KCNIP4: variants seen among roughly 807,000 people sequenced by gnomAD.
KCNIP4 encodes the protein potassium voltage-gated channel interacting protein 4.
A neutral mutation model predicts 34.0 loss-of-function variants in KCNIP4; 12 were observed. The observed-to-expected ratio is 0.35, with a 90% CI of 0.23 to 0.57. The LOEUF is 0.57. Ranked by LOEUF, KCNIP4 falls within the 20% of genes least tolerant of loss-of-function variation. The pLI, the probability that KCNIP4 is intolerant of heterozygous loss-of-function variation, is 0.83. For missense variants in KCNIP4, 238 were observed against 311.7 expected, an observed-to-expected ratio of 0.76 and a Z score of 1.78; for synonymous variants, 124 against 102.2, an observed-to-expected ratio of 1.21 and a Z score of -1.29.
intron 1 of KCNIP4, among the ~76,000 whole-genome samples, chr4:21,523,113 A>G (rs1735681184): frequency 6.6e-6 from 1 of 152,124 alleles, no homozygotes; most frequent in South Asian, 2.1e-4. Flanking sequence ...TACAGCAAGA[A>G]GATTGGTCCT....
At chr4:21,137,767 T>G (rs886747425) in intron 1 of KCNIP4, among the ~76,000 whole-genome samples, 19 of 152,144 alleles carry the variant, frequency 1.2e-4, no homozygotes, top group Non-Finnish European at 8.8e-5. Flanking sequence ...TAGGAAATTT[T>G]TCCATAGTAA....
chr4:21,141,700 T>C (rs1751964754), intron 1 of KCNIP4, among the ~76,000 whole-genome samples: 1 of 152,122 alleles, frequency 6.6e-6, no homozygotes, highest in South Asian at 2.1e-4. Context: ...ATGTACACTT[T>C]AATTCTGTGA....
At chr4:21,880,422 T>G (rs1307889016) in intron 1 of KCNIP4, among the ~76,000 whole-genome samples, 3 of 152,202 alleles carry the variant, frequency 2.0e-5, no homozygotes, top group Non-Finnish European at 2.9e-5. Context: ...TAAGAATGTC[T>G]GTATCTCCCA....
intron 1 of KCNIP4, among the ~76,000 whole-genome samples, chr4:21,422,877 ATGT>A (rs1227760685): frequency 2.6e-5 from 4 of 152,286 alleles, no homozygotes; most frequent in South Asian, 2.1e-4. Context: ...GTCCCAAGAA[ATGT>A]TGTGACCACT....
intron 3 of KCNIP4, among the ~76,000 whole-genome samples, chr4:20,816,055 C>A (rs773173272): frequency 2.0e-5 from 3 of 151,968 alleles, no homozygotes; most frequent in Non-Finnish European, 4.4e-5. Flanking sequence ...TCAAGACCAG[C>A]CTGGCCAACA....
intron 1 of KCNIP4, among the ~76,000 whole-genome samples, chr4:21,927,456 C>T (rs995293655): frequency 1.3e-5 from 2 of 152,120 alleles, no homozygotes; most frequent in Non-Finnish European, 2.9e-5. Flanking sequence ...TACTCAGTAA[C>T]TTTCAAATAC....
At chr4:21,089,992 C>T (rs1424746652) in intron 1 of KCNIP4, among the ~76,000 whole-genome samples, 10 of 152,202 alleles carry the variant, frequency 6.6e-5, no homozygotes, top group East Asian at 1.9e-4. Context: ...GAATATTCTG[C>T]GACTTGCTGT....
At chr4:21,549,861 A>G (rs1407824574) in intron 1 of KCNIP4, among the ~76,000 whole-genome samples, 5 of 151,988 alleles carry the variant, frequency 3.3e-5, no homozygotes, top group Non-Finnish European at 7.4e-5. Context: ...ATCCTATAGA[A>G]CCCTCTGCTC....
At chr4:20,873,080 C>A (rs76972761) in intron 2 of KCNIP4, among the ~76,000 whole-genome samples, 2 of 152,138 alleles carry the variant, frequency 1.3e-5, no homozygotes, top group Non-Finnish European at 2.9e-5. Context: ...TTTCCAATTA[C>A]GCACAATTCC....
At chr4:21,220,031 G>A (rs995862905) in intron 1 of KCNIP4, among the ~76,000 whole-genome samples, 3 of 152,164 alleles carry the variant, frequency 2.0e-5, no homozygotes, top group African/African-American at 7.2e-5. Flanking sequence ...ATGAAAAATA[G>A]TGTCCAAGAA....
intron 1 of KCNIP4, among the ~76,000 whole-genome samples, chr4:21,114,846 A>G (rs1749555046): frequency 6.6e-6 from 1 of 152,078 alleles, no homozygotes; most frequent in Non-Finnish European, 1.5e-5. Flanking sequence ...AATCTCTTCG[A>G]CTCTAAATTC....
intron 1 of KCNIP4, among the ~76,000 whole-genome samples, chr4:21,433,609 G>C (rs1726692049): frequency 6.6e-6 from 1 of 152,170 alleles, no homozygotes; most frequent in Non-Finnish European, 1.5e-5. Flanking sequence ...TTGGTTCTCA[G>C]CATTATTGTG....
chr4:21,676,862 A>G (rs184012766), intron 1 of KCNIP4, among the ~76,000 whole-genome samples: 3 of 152,264 alleles, frequency 2.0e-5, no homozygotes, highest in African/African-American at 7.2e-5. Context: ...AAAATTACAT[A>G]ATTAATACTG....
chr4:21,561,114 T>C (rs980758687), intron 1 of KCNIP4, among the ~76,000 whole-genome samples: 6 of 152,014 alleles, frequency 3.9e-5, no homozygotes, highest in Middle Eastern at 6.3e-3. Context: ...TTGCCACAGC[T>C]GGAGTCTGGA....
intron 1 of KCNIP4, among the ~76,000 whole-genome samples, chr4:21,753,745 G>A (rs1309544623): frequency 6.6e-6 from 1 of 152,168 alleles, no homozygotes; most frequent in Non-Finnish European, 1.5e-5. Context: ...CATAGCTGCT[G>A]TCAAGAAAAC....
At chr4:21,557,729 C>T (rs903403127) in intron 1 of KCNIP4, among the ~76,000 whole-genome samples, 4 of 152,104 alleles carry the variant, frequency 2.6e-5, no homozygotes, top group African/African-American at 7.2e-5. Context: ...TAGGCATTTG[C>T]TTCAATTTTC....
At chr4:20,764,645 C>T (rs374154583) in intron 3 of KCNIP4, among the ~76,000 whole-genome samples, 1 of 150,102 alleles carries the variant, frequency 6.7e-6, no homozygotes, top group Non-Finnish European at 1.5e-5. Flanking sequence ...AGTCTCACAC[C>T]GAGAGGAGCT....
intron 1 of KCNIP4, among the ~76,000 whole-genome samples, chr4:21,529,698 G>A (rs1450897992): frequency 6.6e-6 from 1 of 150,866 alleles, no homozygotes; most frequent in Non-Finnish European, 1.5e-5. Context: ...AAGAGACCAT[G>A]AAATCTCTCA....
intron 1 of KCNIP4, among the ~76,000 whole-genome samples, chr4:21,056,829 G>C (rs1743451718): frequency 6.6e-6 from 1 of 152,068 alleles, no homozygotes; most frequent in African/African-American, 2.4e-5. Context: ...TGGGAAGTGG[G>C]GCCTTTGGGA....
Sources: allele counts gnomAD v4.1 joint callset (sites outside exome capture counted in the v4.1 genomes callset), GRCh38; gene constraint gnomAD v4.1.1; transcripts MANE v1.5; gene names NCBI Gene and HGNC (gene_info 2026-07-23, HGNC 2026-07-21).